SNX13: variants seen among roughly 807,000 people sequenced by gnomAD.
The protein encoded by SNX13 is sorting nexin-13.
Under a neutral mutation model 133.6 loss-of-function variants are expected in SNX13, and 45 were observed. That is an observed-to-expected ratio of 0.34 (90% CI 0.27 to 0.43). The LOEUF (loss-of-function observed/expected upper bound fraction) is 0.43. SNX13 is among the 20% of genes least tolerant of loss of function. The probability of loss-of-function intolerance (pLI) is 1.00; values close to 1 mark genes in which losing one functional copy is unlikely to be tolerated. For missense variants in SNX13, 1,032 were observed against 1,145.1 expected (o/e 0.90, Z 1.43); for synonymous variants, 414 against 373.9 (o/e 1.11, Z -1.24).
At chr7:17,904,250 T>C (rs1798155604) in intron 1 of SNX13, among the ~76,000 whole-genome samples, 1 of 152,224 alleles carries the variant, frequency 6.6e-6, no homozygotes, top group African/African-American at 2.4e-5. Flanking sequence ...ACTTTCTGCA[T>C]AACCTTTGCA....
intron 11 of SNX13, 102 bp downstream of exon 11, chr7:17,850,245 C>A (rs1791050302): frequency 5.3e-6 from 3 of 565,472 alleles, no homozygotes; most frequent in South Asian, 4.6e-5. Flanking sequence ...TTGTAAAGTG[C>A]TGCACTGGTA....
intron 13 of SNX13, among the ~76,000 whole-genome samples, chr7:17,835,169 G>A (rs1788993198): frequency 6.6e-6 from 1 of 151,624 alleles, no homozygotes; most frequent in Non-Finnish European, 1.5e-5. Flanking sequence ...TACTATATAA[G>A]GTTATTTAGG....
chr7:17,830,075 A>C (rs1788305463), intron 15 of SNX13, 28 bp from the exon 16 acceptor site: 1 of 1,503,704 alleles, frequency 6.7e-7, no homozygotes, highest in Non-Finnish European at 8.9e-7. Context: ...AACTTAGTAT[A>C]CAGCAAAAAA....
In SNX13 at chr7:17,845,839, T is replaced by C. The variant is rs1435305549; in HGVS notation, c.1066-145A>G. 5 of 526,794 alleles carry C rather than the reference T, an allele frequency of 9.5e-6. No homozygotes were observed. The East Asian group carries it at 1.6e-4, about 17-fold the overall frequency. The allele number at this position is 526,794 out of a possible 1,614,324, so 32.6% of individuals were successfully genotyped here. ...CTCATGCATGTTGTTTCCCAATAGATATACATTGTGTGAATTTAAATTCCT... is the reference window on the plus strand; with the variant it reads ...CTCATGCATGTTGTTTCCCAATAGACATACATTGTGTGAATTTAAATTCCT... On this transcript the variant is annotated intron_variant, in intron 11 of 25. Transcript: ENST00000428135.
chr7:17,939,723 T>TC (rs1418156455), intron 1 of SNX13, among the ~76,000 whole-genome samples: 1 of 152,094 alleles, frequency 6.6e-6, no homozygotes, highest in African/African-American at 2.4e-5. Context: ...AGGTGATGGA[T>TC]GTGGGGGAGG....
At chr7:17,861,763 A>G (rs1404658070) in intron 9 of SNX13, among the ~76,000 whole-genome samples, 1 of 152,192 alleles carries the variant, frequency 6.6e-6, no homozygotes, top group Non-Finnish European at 1.5e-5. Context: ...GAGAAAAGGG[A>G]TGCAAGATGC....
chr7:17,830,790 AAAGC>A (rs1788401604), intron 15 of SNX13: 1 of 982,952 alleles, frequency 1.0e-6, no homozygotes. Context: ...AATCTATGGT[AAAGC>A]AATATTCATA....
chr7:17,906,045 T>C (rs1363885709), intron 1 of SNX13, among the ~76,000 whole-genome samples: 1 of 152,186 alleles, frequency 6.6e-6, no homozygotes, highest in African/African-American at 2.4e-5. Flanking sequence ...TTACTCAACA[T>C]ATACTAGTTT....
chr7:17,885,188 A>T (rs1045866321), intron 5 of SNX13, among the ~76,000 whole-genome samples: 1 of 152,188 alleles, frequency 6.6e-6, no homozygotes, highest in Non-Finnish European at 1.5e-5. Flanking sequence ...TTTATGCCAC[A>T]ACATGAATGA....
chr7:17,914,950 C>T (rs1396400974), intron 1 of SNX13, among the ~76,000 whole-genome samples: 1 of 152,086 alleles, frequency 6.6e-6, no homozygotes, highest in Admixed American at 6.6e-5. Context: ...AACAAAGACC[C>T]ATTCTTTTAC....
intron 20 of SNX13, among the ~76,000 whole-genome samples, chr7:17,805,257 G>A (rs1004133716): frequency 2.0e-5 from 3 of 147,012 alleles, no homozygotes; most frequent in East Asian, 1.9e-4. Flanking sequence ...GTGTGCGTGC[G>A]CGCGCGCGCA....
intron 5 of SNX13, 38 bp from the exon 6 acceptor site, chr7:17,875,828 T>C (rs752028631): frequency 5.4e-6 from 8 of 1,469,250 alleles, no homozygotes; most frequent in Non-Finnish European, 9.2e-7. Flanking sequence ...ATTATATAAA[T>C]GCTTTATCAG....
intron 8 of SNX13, among the ~76,000 whole-genome samples, chr7:17,873,309 G>A (rs938685404): frequency 5.3e-5 from 8 of 152,122 alleles, no homozygotes; most frequent in East Asian, 1.9e-4. Flanking sequence ...TGATGGTATC[G>A]AGCTATTAGG....
At chr7:17,908,873 G>A (rs1040468370) in intron 1 of SNX13, among the ~76,000 whole-genome samples, 3 of 152,128 alleles carry the variant, frequency 2.0e-5, no homozygotes, top group Non-Finnish European at 2.9e-5. Context: ...AAAGGGTGGG[G>A]CAGGGGGGTC....
chr7:17,827,466 A>T (rs145350818), intron 16 of SNX13, among the ~76,000 whole-genome samples: 1 of 152,152 alleles, frequency 6.6e-6, no homozygotes, highest in African/African-American at 2.4e-5. Flanking sequence ...CATATGGCAC[A>T]AAGTCACTTA....
intron 12 of SNX13, 114 bp downstream of exon 12, chr7:17,845,481 C>T: frequency 1.6e-6 from 1 of 644,818 alleles, no homozygotes; most frequent in South Asian, 2.3e-5. Flanking sequence ...TTTAATATCA[C>T]TGAACTATAC....
chr7:17,910,501 C>T lies in SNX13; in HGVS notation c.13-13055G>A, dbSNP rs543738955. Among the ~76,000 whole-genome samples, 11 of 152,230 alleles carry T rather than the reference C, an allele frequency of 7.2e-5. No individual in the cohort carries two copies. The East Asian group carries it at 1.2e-3, about 16-fold the overall frequency. ...TGGTGCTGCCACTGTGTAAAACAAT[C>T]GGCAGTTTCTCAAAAAATTGAACAC... is the stretch of plus-strand genomic sequence containing the variant. On this transcript the variant is annotated intron_variant, in intron 1 of 25. Coordinates refer to ENST00000428135, the MANE Select transcript of SNX13 (RefSeq NM_015132.5).
chr7:17,879,207 T>C (rs966189777), intron 5 of SNX13, among the ~76,000 whole-genome samples: 4 of 152,174 alleles, frequency 2.6e-5, no homozygotes, highest in African/African-American at 7.2e-5. Context: ...TTCATTTTGT[T>C]TGTTCTTTTT....
chr7:17,916,149 G>C (rs569973150), intron 1 of SNX13, among the ~76,000 whole-genome samples: 1 of 152,150 alleles, frequency 6.6e-6, no homozygotes, highest in African/African-American at 2.4e-5. Context: ...CAAACACAGT[G>C]TTAAGAGGAC....
Sources: gnomAD v4.1 joint callset for allele counts (sites outside exome capture counted in the v4.1 genomes callset) on GRCh38, gnomAD v4.1.1 for gene constraint, MANE v1.5 for transcripts, NCBI Gene and HGNC (gene_info 2026-07-23, HGNC 2026-07-21) for gene names.